Variants in PRR14 observed in about 807,000 individuals in gnomAD.
The protein encoded by PRR14 is proline-rich protein 14.
In PRR14, 33 loss-of-function variants were observed where a neutral mutation model predicts 57.2. The observed-to-expected ratio is 0.58, with a 90% CI of 0.44 to 0.77. The LOEUF (loss-of-function observed/expected upper bound fraction) is 0.77. PRR14 is among the 30% of genes least tolerant of loss of function. The probability of loss-of-function intolerance (pLI) is 0.00; values close to 1 mark genes in which losing one functional copy is unlikely to be tolerated. For synonymous variants in PRR14, 303 were observed against 314.7 expected (o/e 0.96, Z 0.39); for missense variants, 716 against 788.1 (o/e 0.91, Z 1.10).
At position 30,651,609 on chromosome 16, in the gene PRR14, A is replaced by G. The variant is rs1596602819; in HGVS notation, c.-37A>G. 1.9e-6 allele frequency: 2 copies of G among 1,059,670 alleles called. No homozygotes were observed. Among genetic ancestry groups the G allele is most frequent in the South Asian group, 1.5e-5 (1 of 68,930 alleles). 65.6% of individuals were successfully genotyped at this position (1,059,670 alleles called of 1,614,324 possible). ...CCCTTACCCCAGGCCGCAGCCTGGG[A>G]TTCCCCAGGGACCCCCCCGGAGCCG... On this transcript the variant is annotated 5_prime_UTR_variant, in exon 2 of 12. Transcript: ENST00000300835. This position sits in a 1 kb window ranked among gnomAD's most constrained non-coding sequence, Gnocchi z 5.0.
chr16:30,654,624 C>A lies in PRR14; in HGVS notation c.659-5C>A. On this transcript the variant is annotated splice_region_variant and splice_polypyrimidine_tract_variant and intron_variant, in intron 7 of 11. Coordinates refer to ENST00000300835, the MANE Select transcript of PRR14 (RefSeq NM_024031.5). ...TATCCACCTGTGACCCTCTCCTTTC[C>A]TCAGCCCCAGATCCTGCTCTGGAGC... 6.3e-7 allele frequency: 1 copy of A among 1,589,690 alleles called. No homozygotes were observed. Among genetic ancestry groups the A allele is most frequent in the Admixed American group, 1.7e-5 (1 of 58,200 alleles).
At position 30,651,247 on chromosome 16, in the gene PRR14, G is replaced by A. The variant is rs2052308153; in HGVS notation, c.-51+120G>A. 3.0e-6 allele frequency: 1 copy of A among 331,010 alleles called. No individual in the cohort carries two copies. Among genetic ancestry groups the A allele is most frequent in the Non-Finnish European group, 6.1e-6 (1 of 163,966 alleles). 20.5% of individuals were successfully genotyped at this position (331,010 alleles called of 1,614,324 possible). A position where few individuals can be genotyped will look rare whatever the true frequency, so the allele number is the denominator to read the frequency against. ...GCTGGGAGAGGAGGAGGATCGCAGAGGGATCCAGCGGAAATAGCCTCCCAG... is the reference window on the plus strand; with the variant it reads ...GCTGGGAGAGGAGGAGGATCGCAGAAGGATCCAGCGGAAATAGCCTCCCAG... On this transcript the variant is annotated intron_variant, in intron 1 of 11. Transcript: ENST00000300835. The surrounding 1 kb of genome is among the most constrained non-coding windows in gnomAD (Gnocchi z 5.0).
In PRR14 at chr16:30,655,938, A is replaced by G; in HGVS notation, c.1477A>G (p.Arg493Gly). ...GAATTACCAATCACCCACAACCAGG[A>G]GGTGAGACACTTGGAAGGCTAGAGG... ...NKNYQSPTTR[R>G]TFETIFEEPR... is the part of the protein sequence containing the mutation. Residue 493 changes from arginine (R) to glycine (G), a missense_variant and splice_region_variant, in exon 11 of 12, where the codon AGG (arginine) becomes GGG (glycine). Arg to Gly is a moderately radical substitution (Grantham distance 125). Transcript: ENST00000300835. The surrounding 1 kb of genome is among the most constrained non-coding windows in gnomAD (Gnocchi z 4.6). The G allele has an allele frequency of 6.2e-7, 1 of 1,613,996 alleles. No homozygotes were observed.
At position 30,655,948 on chromosome 16, in the gene PRR14, C is replaced by G. The variant is rs1254464460; in HGVS notation, c.1478+9C>G. The G allele has an allele frequency of 1.9e-6, 3 of 1,613,698 alleles. No homozygotes were observed. The highest frequency in any genetic ancestry group is 2.5e-6 in the Non-Finnish European group (3 of 1,179,722). ...TCACCCACAACCAGGAGGTGAGACA[C>G]TTGGAAGGCTAGAGGGTGGCAGAGG... On this transcript the variant is annotated intron_variant, in intron 11 of 11. Coordinates refer to ENST00000300835, the MANE Select transcript of PRR14 (RefSeq NM_024031.5). The surrounding 1 kb of genome is among the most constrained non-coding windows in gnomAD (Gnocchi z 4.6).
chr16:30,654,166 G>T, intron 6 of PRR14, 64 bp from the exon 7 acceptor site: 1 of 1,075,740 alleles, frequency 9.3e-7, no homozygotes, highest in Admixed American at 1.8e-5. Context: ...AGGGATAGGG[G>T]AGTTGCTGGC....
rs758012979 is a variant in PRR14 at position 30,654,669 on chromosome 16, G to A, written c.699G>A (p.Pro233=). ...TGGAGCTCCCATCCACCCCACCACCGTCCAGCCTTTTACGCCCCCGCCTCA... is the reference window on the plus strand; with the variant it reads ...TGGAGCTCCCATCCACCCCACCACCATCCAGCCTTTTACGCCCCCGCCTCA... ...PALELPSTPP[P]SSLLRPRLSP... is the part of the protein sequence containing the mutation. Residue 233 remains proline, a synonymous_variant, in exon 8 of 12, where the codon CCG becomes CCA. Transcript: ENST00000300835. 32 of 1,612,532 alleles carry A rather than the reference G, an allele frequency of 2.0e-5. No individual in the cohort carries two copies. The highest frequency in any genetic ancestry group is 1.2e-4 in the Admixed American group (7 of 59,922).
chr16:30,652,827 G>C lies in PRR14; in HGVS notation c.299G>C (p.Trp100Ser), dbSNP rs1391058167. 1.2e-6 allele frequency: 2 copies of C among 1,614,160 alleles called. No homozygotes were observed. The highest frequency in any genetic ancestry group is 1.7e-6 in the Non-Finnish European group (2 of 1,180,030). ...PPASPPRQAGWSSQARPPDPL... is the reference protein window; with the variant it reads ...PPASPPRQAGSSSQARPPDPL... ...GCCTCGCCACCCCGGCAGGCCGGGT[G>C]GTCCTCGCAGGCCAGGTGAGCATGG... The change falls in exon 4 of 12, where the codon TGG becomes TCG. Residue 100 changes from tryptophan (W) to serine (S), a missense_variant. Trp to Ser is a radical substitution (Grantham distance 177). Transcript: ENST00000300835.
Position 30,651,097 on chromosome 16 carries a change from TCGCCCGGCGTCTGATTGGCGGAA to T in PRR14, c.-79_-57del, listed in dbSNP as rs1240779469. The T allele has an allele frequency of 2.2e-6, 1 of 452,824 alleles. No individual in the cohort carries two copies. The highest frequency in any genetic ancestry group is 4.5e-6 in the Non-Finnish European group (1 of 224,112). 28.1% of individuals were successfully genotyped at this position (452,824 alleles called of 1,614,324 possible). A position where few individuals can be genotyped will look rare whatever the true frequency, so the allele number is the denominator to read the frequency against. On this transcript the variant is annotated 5_prime_UTR_variant, in exon 1 of 12. It removes the in-frame stop codon of an upstream open reading frame in the 5' UTR. Transcript: ENST00000300835. The surrounding 1 kb of genome is among the most constrained non-coding windows in gnomAD (Gnocchi z 5.0). ...GAAGCTTACAGGGGAAGGAAAAGCC[TCGCCCGGCGTCTGATTGGCGGAA>T]CCGCGCTGTAGGATTCTTTCCTCAG...
At chr16:30,652,594 G>A in intron 3 of PRR14, 127 bp from the exon 4 acceptor site, 2 of 1,173,888 alleles carry the variant, frequency 1.7e-6, no homozygotes, top group African/African-American at 1.5e-5. Flanking sequence ...CTTCTCTTGG[G>A]ATCCGAGTGA....
Position 30,651,543 on chromosome 16 carries a change from C to T in PRR14, c.-50-53C>T, listed in dbSNP as rs2052311670. 2.6e-6 allele frequency: 2 copies of T among 780,876 alleles called. No homozygotes were observed. Among genetic ancestry groups the T allele is most frequent in the Non-Finnish European group, 3.9e-6 (2 of 518,904 alleles). The allele number at this position is 780,876 out of a possible 1,614,324, so 48.4% of individuals were successfully genotyped here. ...GGGCGGACCATGAAGGGCGGAGCCC[C>T]AGGGAAGGGGCCGGCCCTCACCCCC... On this transcript the variant is annotated intron_variant, in intron 1 of 11. Transcript: ENST00000300835. The surrounding 1 kb of genome is among the most constrained non-coding windows in gnomAD (Gnocchi z 5.0).
At position 30,654,786 on chromosome 16, in the gene PRR14, GCCCCCACCCCCGT is replaced by G; in HGVS notation, c.822_834del (p.Pro275GlnfsTer2). The G allele has an allele frequency of 6.4e-7, 1 of 1,567,996 alleles. No individual in the cohort carries two copies. Among genetic ancestry groups the G allele is most frequent in the Non-Finnish European group, 8.7e-7 (1 of 1,145,120 alleles). ...TCCTCACGCCCAACAAAACCCCACA[GCCCCCACCCCCGT>G]CCCCCCCAATGAAGCTGGAGTTGAA... On this transcript the variant is annotated frameshift_variant, in exon 8 of 12. Transcript: ENST00000300835. LOFTEE classifies it high-confidence loss of function.
In PRR14 at chr16:30,651,465, G is replaced by T; in HGVS notation, c.-50-131G>T. On this transcript the variant is annotated intron_variant, in intron 1 of 11. Coordinates refer to ENST00000300835, the MANE Select transcript of PRR14 (RefSeq NM_024031.5). This position sits in a 1 kb window ranked among gnomAD's most constrained non-coding sequence, Gnocchi z 5.0. ...GGACACCCGCTCCGGGCGACCGGCC[G>T]GGGGCGCCCTTTCGCGCCCCAGGGC... 1 of 488,468 alleles carries T rather than the reference G, an allele frequency of 2.0e-6. No homozygotes were observed. Among genetic ancestry groups the T allele is most frequent in the Admixed American group, 4.1e-5 (1 of 24,442 alleles). The allele number at this position is 488,468 out of a possible 1,614,324, so 30.3% of individuals were successfully genotyped here.
At chr16:30,654,171 G>T in intron 6 of PRR14, 59 bp from the exon 7 acceptor site, 1 of 1,161,766 alleles carries the variant, frequency 8.6e-7, no homozygotes, top group Non-Finnish European at 1.3e-6. Context: ...TAGGGGAGTT[G>T]CTGGCTCAGG....
rs1318179230 is a variant in PRR14, at chr16:30,653,411, G to A, written c.548+3G>A. On this transcript the variant is annotated splice_donor_region_variant and intron_variant, in intron 6 of 11. Coordinates refer to ENST00000300835, the MANE Select transcript of PRR14 (RefSeq NM_024031.5). ...AACTTCATCATCCCAGCACAAAGGTGAGAGGGCTGGAGTAGGGATTATCAA... is the reference window on the plus strand; with the variant it reads ...AACTTCATCATCCCAGCACAAAGGTAAGAGGGCTGGAGTAGGGATTATCAA... 1 of 1,613,356 alleles carries A rather than the reference G, an allele frequency of 6.2e-7. No individual in the cohort carries two copies. The highest frequency in any genetic ancestry group is 1.7e-5 in the Admixed American group (1 of 60,018).
intron 3 of PRR14, chr16:30,652,208 ACT>A (rs773262095): frequency 1.4e-4 from 90 of 646,406 alleles, no homozygotes; most frequent in Non-Finnish European, 2.3e-4. Flanking sequence ...ACTCTGAGAA[ACT>A]CTTCTGCTTC....
chr16:30,651,658 G>A lies in PRR14; in HGVS notation c.13G>A (p.Gly5Arg). Residue 5 changes from glycine (G) to arginine (R), a missense_variant, in exon 2 of 12, where the codon GGG (glycine) becomes AGG (arginine). Physicochemically the swap from Gly to Arg is moderately radical, Grantham distance 125. Transcript: ENST00000300835. This position sits in a 1 kb window ranked among gnomAD's most constrained non-coding sequence, Gnocchi z 5.0. ...CGCCGCGTCTCCCATGGACTTGCCC[G>A]GGGACTCCAGGTGAGAGCGTACCCG... is the stretch of plus-strand genomic sequence containing the variant. Reference protein sequence around the residue: MDLPGDSSPPGQPRL... With the variant: MDLPRDSSPPGQPRL... 6.5e-7 allele frequency: 1 copy of A among 1,545,924 alleles called. No individual in the cohort carries two copies. Among genetic ancestry groups the A allele is most frequent in the Non-Finnish European group, 8.8e-7 (1 of 1,137,942 alleles).
Position 30,656,075 on chromosome 16 carries a change from A to G in PRR14, c.1522A>G (p.Thr508Ala). The G allele has an allele frequency of 6.4e-7, 1 of 1,552,240 alleles. No homozygotes were observed. Among genetic ancestry groups the G allele is most frequent in the Non-Finnish European group, 8.7e-7 (1 of 1,151,522 alleles). Residue 508 changes from threonine (T) to alanine (A), a missense_variant, in exon 12 of 12, where the codon ACT (threonine) becomes GCT (alanine). Thr to Ala is a moderately conservative substitution (Grantham distance 58). Transcript: ENST00000300835. ...IFEEPRERNG[T>A]LIFTSSRKLR... ...TGAGGAACCCCGGGAGCGCAATGGG[A>G]CTCTGATTTTCACCAGCTCAAGGAA...
chr16:30,655,295 G>A lies in PRR14; in HGVS notation c.1245-56G>A. On this transcript the variant is annotated intron_variant, in intron 8 of 11. Coordinates refer to ENST00000300835, the MANE Select transcript of PRR14 (RefSeq NM_024031.5). This position sits in a 1 kb window ranked among gnomAD's most constrained non-coding sequence, Gnocchi z 4.6. Reference sequence around the variant, plus strand: ...TTCCCTGAGTATCCAGTGGGCAGGAGACGGGGGATAATGCAGTGAATCCTG... The same window carrying A: ...TTCCCTGAGTATCCAGTGGGCAGGAAACGGGGGATAATGCAGTGAATCCTG... The A allele has an allele frequency of 6.2e-7, 1 of 1,610,018 alleles. No homozygotes were observed. Among genetic ancestry groups the A allele is most frequent in the East Asian group, 2.2e-5 (1 of 44,872 alleles).
Position 30,656,400 on chromosome 16 carries a change from CG to C in PRR14, c.*90del. 1 of 1,251,812 alleles carries C rather than the reference CG, an allele frequency of 8.0e-7. No homozygotes were observed. The highest frequency in any genetic ancestry group is 1.1e-6 in the Non-Finnish European group (1 of 922,164). 77.5% of individuals were successfully genotyped at this position (1,251,812 alleles called of 1,614,324 possible). ...TTCTCTATATTTCTAGTAAAGTTTTCGATATGTTTCTGATTCTTTTGTATCT... is the reference window on the plus strand; with the variant it reads ...TTCTCTATATTTCTAGTAAAGTTTTCATATGTTTCTGATTCTTTTGTATCT... On this transcript the variant is annotated 3_prime_UTR_variant, in exon 12 of 12. Coordinates refer to ENST00000300835, the MANE Select transcript of PRR14 (RefSeq NM_024031.5).
Sources: gnomAD v4.1 joint callset for allele counts on GRCh38, gnomAD v4.1.1 for gene constraint, Gnocchi (gnomAD v3.1) non-coding constraint, MANE v1.5 for transcripts, NCBI Gene and HGNC (gene_info 2026-07-23, HGNC 2026-07-21) for gene names.